Variants in BOP1 observed in about 807,000 individuals in gnomAD.
BOP1 encodes BOP1 ribosomal biogenesis factor, also known as ribosome biogenesis protein BOP1.
A neutral mutation model predicts 82.9 loss-of-function variants in BOP1; 54 were observed. That is an observed-to-expected ratio of 0.65 (90% confidence interval 0.52 to 0.82). The LOEUF (loss-of-function observed/expected upper bound fraction) is 0.82. Among genes scored for constraint, BOP1 ranks in the 40% least tolerant of loss-of-function variants. The probability of loss-of-function intolerance (pLI) is 0.00; values close to 1 mark genes in which losing one functional copy is unlikely to be tolerated. For synonymous variants in BOP1, 566 were observed against 451.1 expected, an observed-to-expected ratio of 1.25 and a Z score of -3.23; for missense variants, 1,170 against 1,072.0, an observed-to-expected ratio of 1.09 and a Z score of -1.28.
At chr8:144,268,376 G>A (rs1283623064) in intron 3 of BOP1, 22 of 598,576 alleles carry the variant, frequency 3.7e-5, no homozygotes, top group Non-Finnish European at 5.3e-5. Flanking sequence ...AACTTTCTGC[G>A]CTGGCTTTTC....
intron 3 of BOP1, 25 bp from the exon 4 acceptor site, chr8:144,265,096 G>A (rs1688016587): frequency 2.5e-6 from 4 of 1,599,752 alleles, no homozygotes; most frequent in South Asian, 2.2e-5. Flanking sequence ...CACCATGTCG[G>A]CATCTGATCC....
chr8:144,270,837 G>A (rs1308890972), intron 3 of BOP1, among the ~76,000 whole-genome samples: 4 of 152,140 alleles, frequency 2.6e-5, no homozygotes, highest in Non-Finnish European at 2.9e-5. Context: ...AGGCAGCTGG[G>A]ACGGAAGGGG....
At position 144,262,120 on chromosome 8, in the gene BOP1, G is replaced by A; in HGVS notation, c.*44C>T. ...CCAGGCAGCACAGGGTAAAGGCTCTGTTGACTTCAGCACGACCACCCCAGC... is the reference window on the plus strand; with the variant it reads ...CCAGGCAGCACAGGGTAAAGGCTCTATTGACTTCAGCACGACCACCCCAGC... On this transcript the variant is annotated 3_prime_UTR_variant, in exon 16 of 16. Coordinates refer to ENST00000569669, the MANE Select transcript of BOP1 (RefSeq NM_015201.5). The A allele has an allele frequency of 2.5e-6, 4 of 1,610,570 alleles. No homozygotes were observed. The highest frequency in any genetic ancestry group is 1.1e-5 in the South Asian group (1 of 90,980).
chr8:144,291,187 A>C lies in BOP1; in HGVS notation c.99+85T>G. 8.2e-7 allele frequency: 1 copy of C among 1,217,992 alleles called. No individual in the cohort carries two copies. Among genetic ancestry groups the C allele is most frequent in the Non-Finnish European group, 1.0e-6 (1 of 955,346 alleles). The allele number at this position is 1,217,992 out of a possible 1,614,324, so 75.4% of individuals were successfully genotyped here. A position where few individuals can be genotyped will look rare whatever the true frequency, so the allele number is the denominator to read the frequency against. On this transcript the variant is annotated intron_variant, in intron 1 of 15. Coordinates refer to ENST00000569669, the MANE Select transcript of BOP1 (RefSeq NM_015201.5). The surrounding 1 kb of genome is among the most constrained non-coding windows in gnomAD (Gnocchi z 4.1). ...TGGGCGCGGGCGCCCAGGTGACAGA[A>C]GCCGGGCCCACCCGCCCCAGCGCGG...
intron 2 of BOP1, among the ~76,000 whole-genome samples, chr8:144,288,172 A>G (rs1218635922): frequency 2.3e-4 from 35 of 151,950 alleles, no homozygotes; most frequent in Non-Finnish European, 4.4e-4. Context: ...CAGGAGGCTG[A>G]GACAGGAGAA....
chr8:144,267,231 C>T, intron 3 of BOP1: 1 of 1,466,834 alleles, frequency 6.8e-7, no homozygotes, highest in Non-Finnish European at 8.9e-7. Context: ...CGCCCCTCAG[C>T]CCACACCTGC....
At position 144,281,359 on chromosome 8, in the gene BOP1, G is replaced by C. The variant is rs1163654094; in HGVS notation, c.310-5055C>G. Among the ~76,000 whole-genome samples the C allele has an allele frequency of 1.5e-3, 7 of 4,694 alleles. 1 individual carries two copies. Among genetic ancestry groups the C allele is most frequent in the African/African-American group, 3.5e-3 (7 of 2,004 alleles). 3.1% of individuals were successfully genotyped at this position (4,694 alleles called of 152,430 possible). On this transcript the variant is annotated intron_variant, in intron 2 of 15. Coordinates refer to ENST00000569669, the MANE Select transcript of BOP1 (RefSeq NM_015201.5). ...ATACCAGGTCTTCGGCCTTCCCTCA[G>C]TTTAATACCAGGTCTTCGGCCTTCC...
In BOP1 at chr8:144,263,899, G is replaced by T; in HGVS notation, c.1153C>A (p.Pro385Thr). The stretch of plus-strand genomic sequence containing the variant: ...GGCAGCTTGGGGATGAGGTCCTCAG[G>T]GTCTACATTCACCTGGGGCAGGAGA... ...RQRKMRVNVDPEDLIPKLPRP... is the reference protein window; with the variant it reads ...RQRKMRVNVDTEDLIPKLPRP... Residue 385 changes from proline (P) to threonine (T), a missense_variant, in exon 9 of 16, where the codon CCT becomes ACT. Physicochemically the swap from Pro to Thr is conservative, Grantham distance 38. Transcript: ENST00000569669. 6.2e-7 allele frequency: 1 copy of T among 1,611,692 alleles called. No homozygotes were observed. The highest frequency in any genetic ancestry group is 8.5e-7 in the Non-Finnish European group (1 of 1,179,582).
intron 2 of BOP1, among the ~76,000 whole-genome samples, chr8:144,278,832 G>A (rs1249811998): frequency 6.6e-6 from 1 of 152,194 alleles, no homozygotes; most frequent in African/African-American, 2.4e-5. Flanking sequence ...TGGCTCGTGT[G>A]ACAGCAACGA....
At chr8:144,275,732 T>C (rs1845559181) in intron 3 of BOP1, among the ~76,000 whole-genome samples, 1 of 152,116 alleles carries the variant, frequency 6.6e-6, no homozygotes, top group Admixed American at 6.5e-5. Flanking sequence ...GGGCCACCAC[T>C]GCCCAGAACA....
At chr8:144,278,265 G>A (rs782445196) in intron 2 of BOP1, among the ~76,000 whole-genome samples, 57 of 70,716 alleles carry the variant, frequency 8.1e-4, no homozygotes, top group Admixed American at 5.7e-3. Flanking sequence ...ATGCGGGGCC[G>A]CTGGGGCCAA....
intron 3 of BOP1, chr8:144,265,293 G>A (rs1845334976): frequency 8.2e-6 from 5 of 608,462 alleles, no homozygotes; most frequent in South Asian, 2.0e-5. Context: ...CGCCGGAGCT[G>A]CACCTTCACA....
chr8:144,268,580 C>T (rs1845435763), intron 3 of BOP1: 1 of 226,588 alleles, frequency 4.4e-6, no homozygotes, highest in Non-Finnish European at 8.7e-6. Context: ...CTCCTTGGGC[C>T]AAGTACCCCG....
At position 144,275,483 on chromosome 8, in the gene BOP1, C is replaced by T. The variant is rs1554838211; in HGVS notation, c.390+741G>A. ...CTCTCCACGCTGGCGGAGCCCAGCCCGGTGCCAGCCTCTCCACGCTGGCGG... is the reference window on the plus strand; with the variant it reads ...CTCTCCACGCTGGCGGAGCCCAGCCTGGTGCCAGCCTCTCCACGCTGGCGG... On this transcript the variant is annotated intron_variant, in intron 3 of 15. Coordinates refer to ENST00000569669, the MANE Select transcript of BOP1 (RefSeq NM_015201.5). Among the ~76,000 whole-genome samples, 25 of 151,426 alleles carry T rather than the reference C, an allele frequency of 1.7e-4. 1 individual carries two copies. The South Asian group carries it at 5.3e-3, about 32-fold the overall frequency.
chr8:144,289,375 T>C (rs969495803), intron 1 of BOP1, 71 bp from the exon 2 acceptor site: 2 of 1,517,996 alleles, frequency 1.3e-6, no homozygotes, highest in African/African-American at 2.8e-5. Flanking sequence ...CAGGGAGAGC[T>C]GCCTCTCGCC....
intron 3 of BOP1, among the ~76,000 whole-genome samples, chr8:144,270,856 T>C (rs1004201036): frequency 3.3e-5 from 5 of 151,976 alleles, no homozygotes; most frequent in African/African-American, 4.8e-5. Flanking sequence ...GGCCCCAGCC[T>C]GCACCCTGGG....
chr8:144,264,952 G>C lies in BOP1; in HGVS notation c.510C>G (p.Asp170Glu), dbSNP rs1845321459. The change falls in exon 4 of 16, where the codon GAC (aspartate) becomes GAG (glutamate). Residue 170 changes from aspartate (D) to glutamate (E), a missense_variant. Transcript: ENST00000569669. ...YKPLRTRDEL[D>E]QFLDKMDDPD... ...GATCGTCCATCTTGTCCAGGAACTG[G>C]TCCAGCTCATCCCGGGTCCGCAGGG... 1 of 1,612,186 alleles carries C rather than the reference G, an allele frequency of 6.2e-7. No homozygotes were observed. Among genetic ancestry groups the C allele is most frequent in the African/African-American group, 1.3e-5 (1 of 74,886 alleles).
chr8:144,277,530 G>A (rs1001526032), intron 2 of BOP1, among the ~76,000 whole-genome samples: 12 of 152,388 alleles, frequency 7.9e-5, no homozygotes, highest in African/African-American at 2.6e-4. Flanking sequence ...AGCACCGCAC[G>A]CTGGAGTCCC....
At chr8:144,286,425 CT>C (rs1814871112) in intron 2 of BOP1, among the ~76,000 whole-genome samples, 2 of 133,732 alleles carry the variant, frequency 1.5e-5, no homozygotes, top group Non-Finnish European at 3.3e-5. Context: ...GCCTCGGCCC[CT>C]CAGCTAAAGC....
Sources: allele counts gnomAD v4.1 joint callset (sites outside exome capture counted in the v4.1 genomes callset), GRCh38; gene constraint gnomAD v4.1.1; non-coding constraint Gnocchi (gnomAD v3.1); transcripts MANE v1.5; gene names NCBI Gene and HGNC (gene_info 2026-07-23, HGNC 2026-07-21).